The following CACNA2D2 variants were observed in gnomAD, a reference collection of about 807,000 sequenced individuals.
CACNA2D2 encodes the protein voltage-dependent calcium channel subunit alpha-2/delta-2.
In CACNA2D2, 48 loss-of-function variants were observed where a neutral mutation model predicts 166.4. That is an observed-to-expected ratio of 0.29 (90% confidence interval 0.23 to 0.37). The LOEUF is 0.37. Ranked by LOEUF, CACNA2D2 falls within the 10% of genes least tolerant of loss-of-function variation. The pLI, the probability that CACNA2D2 is intolerant of heterozygous loss-of-function variation, is 1.00. For missense variants in CACNA2D2, 1,122 were observed against 1,433.0 expected (o/e 0.78, Z 3.50); for synonymous variants, 561 against 573.7 (o/e 0.98, Z 0.32).
chr3:50,430,072 G>A (rs1285537253), intron 3 of CACNA2D2, among the ~76,000 whole-genome samples: 2 of 152,218 alleles, frequency 1.3e-5, no homozygotes, highest in African/African-American at 4.8e-5. Flanking sequence ...GTCTCCAGGT[G>A]CTAGATTCCT....
At chr3:50,396,536 G>A (rs2282752) in intron 3 of CACNA2D2, among the ~76,000 whole-genome samples, 1 of 151,784 alleles carries the variant, frequency 6.6e-6, no homozygotes, top group African/African-American at 2.4e-5. Flanking sequence ...GCCTGCCCAC[G>A]CCGACCCCAA....
intron 3 of CACNA2D2, among the ~76,000 whole-genome samples, chr3:50,407,400 T>C (rs1472834008): frequency 6.6e-6 from 1 of 152,004 alleles, no homozygotes; most frequent in African/African-American, 2.4e-5. Flanking sequence ...CTCTGACCCC[T>C]GCTCTGACCC....
chr3:50,445,363 G>A (rs890389198), intron 2 of CACNA2D2, among the ~76,000 whole-genome samples: 4 of 152,220 alleles, frequency 2.6e-5, no homozygotes, highest in Non-Finnish European at 5.9e-5. Flanking sequence ...CAAGGCACCG[G>A]TAAGGCAGTA....
At chr3:50,439,697 G>C (rs576388571) in intron 2 of CACNA2D2, among the ~76,000 whole-genome samples, 1 of 152,352 alleles carries the variant, frequency 6.6e-6, no homozygotes, top group East Asian at 1.9e-4. Context: ...CCCTGGGGAG[G>C]GAACCACCTC....
At position 50,449,985 on chromosome 3, in the gene CACNA2D2, TGAG is replaced by T. The variant is rs765120799; in HGVS notation, c.289-15559_289-15557del. On this transcript the variant is annotated intron_variant, in intron 2 of 37. Coordinates refer to ENST00000424201, the MANE Select transcript of CACNA2D2 (RefSeq NM_006030.4). The stretch of plus-strand genomic sequence containing the variant: ...ACATAGTGGGAGGTGAGGCTCCATG[TGAG>T]GAGGGGTCCATGGAGCCTGACTCAA... 2.6e-5 allele frequency among the ~76,000 whole-genome samples: 4 copies of T among 152,214 alleles called. No individual in the cohort carries two copies. The East Asian group carries it at 5.8e-4, about 22-fold the overall frequency.
intron 3 of CACNA2D2, among the ~76,000 whole-genome samples, chr3:50,407,052 T>C (rs927361735): frequency 3.3e-5 from 5 of 151,812 alleles, no homozygotes; most frequent in Non-Finnish European, 5.9e-5. Context: ...ACCTAGGTGC[T>C]TGATCTAGGT....
At chr3:50,433,343 T>C (rs939140989) in intron 3 of CACNA2D2, among the ~76,000 whole-genome samples, 1 of 152,104 alleles carries the variant, frequency 6.6e-6, no homozygotes, top group Non-Finnish European at 1.5e-5. Flanking sequence ...GGAGACTTTA[T>C]TCCGTTTTTT....
chr3:50,470,548 G>A (rs1710024374), intron 2 of CACNA2D2, among the ~76,000 whole-genome samples: 1 of 135,286 alleles, frequency 7.4e-6, no homozygotes, highest in African/African-American at 2.6e-5. Flanking sequence ...TCTCAAAAAT[G>A]GAATTTTCTC....
intron 21 of CACNA2D2, 145 bp from the exon 22 acceptor site, chr3:50,374,958 A>C (rs940182501): frequency 1.4e-6 from 1 of 714,050 alleles, no homozygotes; most frequent in Non-Finnish European, 2.4e-6. Flanking sequence ...GCTTAGCTGC[A>C]GGAGGTTCAT....
rs763179379 is a variant in CACNA2D2 at position 50,379,012 on chromosome 3, T to C, written c.1261-19A>G. The C allele has an allele frequency of 6.2e-7, 1 of 1,613,868 alleles. No individual in the cohort carries two copies. Among genetic ancestry groups the C allele is most frequent in the Non-Finnish European group, 8.5e-7 (1 of 1,180,006 alleles). On this transcript the variant is annotated intron_variant, in intron 12 of 37. Coordinates refer to ENST00000424201, the MANE Select transcript of CACNA2D2 (RefSeq NM_006030.4). This position sits in a 1 kb window ranked among gnomAD's most constrained non-coding sequence, Gnocchi z 6.5. ...CGCGCACCTGTGGGGGGTTTGAGGT[T>C]ACTGCTGTGGCCACCAGGGGACAGC...
chr3:50,444,672 A>C (rs1708761121), intron 2 of CACNA2D2, among the ~76,000 whole-genome samples: 1 of 152,220 alleles, frequency 6.6e-6, no homozygotes, highest in Non-Finnish European at 1.5e-5. Context: ...TAAAGACAGC[A>C]CCAACGACAG....
chr3:50,425,461 C>A (rs1202886143), intron 3 of CACNA2D2, among the ~76,000 whole-genome samples: 1 of 152,320 alleles, frequency 6.6e-6, no homozygotes, highest in Admixed American at 6.5e-5. Flanking sequence ...TGGGACCCCA[C>A]AGCCTGTTCC....
At chr3:50,481,634 A>C (rs1384536411) in intron 1 of CACNA2D2, among the ~76,000 whole-genome samples, 1 of 152,166 alleles carries the variant, frequency 6.6e-6, no homozygotes, top group Non-Finnish European at 1.5e-5. Flanking sequence ...GCGGGGCCCC[A>C]CGTCTCTTGC....
At position 50,458,238 on chromosome 3, in the gene CACNA2D2, C is replaced by T. The variant is rs1056911530; in HGVS notation, c.288+17880G>A. ...GCAGATGGGGAACTGAGACTTGGGA[C>T]GAGGGGCACCTGGCCACGGGGAGAG... On this transcript the variant is annotated intron_variant, in intron 2 of 37. Coordinates refer to ENST00000424201, the MANE Select transcript of CACNA2D2 (RefSeq NM_006030.4). Among the ~76,000 whole-genome samples, 33 of 152,306 alleles carry T rather than the reference C, an allele frequency of 2.2e-4. 1 individual carries two copies. Among genetic ancestry groups the T allele is most frequent in the African/African-American group, 7.0e-4 (29 of 41,558 alleles).
intron 2 of CACNA2D2, among the ~76,000 whole-genome samples, chr3:50,438,315 C>T (rs937278153): frequency 3.9e-5 from 6 of 152,160 alleles, no homozygotes; most frequent in African/African-American, 1.4e-4. Context: ...CCTGCCCCTC[C>T]ACCTCTCCCC....
chr3:50,425,021 C>T (rs560079605), intron 3 of CACNA2D2, among the ~76,000 whole-genome samples: 29 of 152,258 alleles, frequency 1.9e-4, no homozygotes, highest in Middle Eastern at 3.4e-3. Context: ...AGGCATCGCT[C>T]GCTATGTATT....
At chr3:50,466,812 C>T (rs918055384) in intron 2 of CACNA2D2, among the ~76,000 whole-genome samples, 2 of 152,228 alleles carry the variant, frequency 1.3e-5, no homozygotes, top group African/African-American at 4.8e-5. Flanking sequence ...TCTCCATACC[C>T]CATTTGATGG....
rs587632384 is a variant in CACNA2D2, at chr3:50,367,645, T to C, written c.2294A>G (p.Asn765Ser). 2.1e-5 allele frequency: 34 copies of C among 1,611,490 alleles called. 1 individual carries two copies. In the South Asian group the frequency reaches 3.2e-4, roughly 15 times the overall value. The change falls in exon 26 of 38, where the codon AAC becomes AGC. Residue 765 changes from asparagine to serine, a missense_variant. Physicochemically the swap from Asn to Ser is conservative, Grantham distance 46. Coordinates refer to ENST00000424201, the MANE Select transcript of CACNA2D2 (RefSeq NM_006030.4). The surrounding 1 kb of genome is among the most constrained non-coding windows in gnomAD (Gnocchi z 6.5). The part of the protein sequence containing the change: ...TDGGITRVFP[N>S]KAAEDWTENP... ...GGTAGTGGGATAGGTCACTTACTTG[T>C]TGGGGAAGACTCGGGTGATGCCACC...
Position 50,367,350 on chromosome 3 carries a change from T to C in CACNA2D2, c.2401+44A>G, listed in dbSNP as rs747227698. 41 of 1,560,158 alleles carry C rather than the reference T, an allele frequency of 2.6e-5. No homozygotes were observed. The highest frequency in any genetic ancestry group is 1.4e-4 in the Admixed American group (8 of 59,222). ...GTTCTGGCTGAGCAGACAGGGAAGC[T>C]GAGGCTCCCTGCCTGCTGCTGGGCA... On this transcript the variant is annotated intron_variant, in intron 27 of 37. Coordinates refer to ENST00000424201, the MANE Select transcript of CACNA2D2 (RefSeq NM_006030.4). The surrounding 1 kb of genome is among the most constrained non-coding windows in gnomAD (Gnocchi z 6.5).
Sources: allele counts gnomAD v4.1 joint callset (sites outside exome capture counted in the v4.1 genomes callset), GRCh38; gene constraint gnomAD v4.1.1; non-coding constraint Gnocchi (gnomAD v3.1); transcripts MANE v1.5; gene names NCBI Gene and HGNC (gene_info 2026-07-23, HGNC 2026-07-21).